Variants in RNF216 observed in about 807,000 individuals in gnomAD.
The protein encoded by RNF216 is ring finger protein 216, also known as E3 ubiquitin-protein ligase RNF216.
A neutral mutation model predicts 110.8 loss-of-function variants in RNF216; 72 were observed. The observed-to-expected ratio is 0.65, with a 90% CI of 0.54 to 0.79. The LOEUF (loss-of-function observed/expected upper bound fraction) is 0.79. RNF216 is among the 30% of genes least tolerant of loss of function. The pLI, the probability that RNF216 is intolerant of heterozygous loss-of-function variation, is 0.00. For synonymous variants in RNF216, 495 were observed against 407.5 expected, an observed-to-expected ratio of 1.21 and a Z score of -2.59; for missense variants, 1,342 against 1,141.2, an observed-to-expected ratio of 1.18 and a Z score of -2.54.
intron 13 of RNF216, among the ~76,000 whole-genome samples, chr7:5,676,770 A>C (rs985071214): frequency 6.6e-6 from 1 of 152,194 alleles, no homozygotes; most frequent in African/African-American, 2.4e-5. Context: ...CATACAGTGC[A>C]ACCTGAGCCA....
chr7:5,771,518 G>A (rs971144350), intron 1 of RNF216, among the ~76,000 whole-genome samples: 18 of 152,138 alleles, frequency 1.2e-4, no homozygotes, highest in African/African-American at 3.9e-4. Flanking sequence ...GAATCCCGGC[G>A]GGGTGCAGTG....
intron 13 of RNF216, among the ~76,000 whole-genome samples, chr7:5,686,695 G>A (rs933868148): frequency 1.3e-5 from 2 of 152,192 alleles, no homozygotes; most frequent in South Asian, 2.1e-4. Context: ...CGCTATTTGC[G>A]GCAATGACAT....
At position 5,676,745 on chromosome 7, in the gene RNF216, A is replaced by C. The variant is rs80225185; in HGVS notation, c.2062-24235T>G. On this transcript the variant is annotated intron_variant, in intron 13 of 16. Transcript: ENST00000389902. ...TTTCCGGCCTAACAACTGGGAGAGA[A>C]AGAAAACTCCTAAACATACAGTGCA... is the stretch of plus-strand genomic sequence containing the variant. Among the ~76,000 whole-genome samples, 1,026 of 152,334 alleles carry C rather than the reference A, an allele frequency of 6.7e-3. 11 individuals carry two copies. Among genetic ancestry groups the C allele is most frequent in the African/African-American group, 0.023 (956 of 41,572 alleles).
chr7:5,774,826 T>G (rs567572277), intron 1 of RNF216, among the ~76,000 whole-genome samples: 72 of 152,040 alleles, frequency 4.7e-4, no homozygotes, highest in Non-Finnish European at 8.2e-4. Context: ...TGGTGCAATC[T>G]CAGTTCACTG....
chr7:5,720,693 A>T (rs1793364916), intron 9 of RNF216, among the ~76,000 whole-genome samples: 1 of 152,160 alleles, frequency 6.6e-6, no homozygotes, highest in African/African-American at 2.4e-5. Context: ...GGTTTAGAAG[A>T]TACTTATTAA....
chr7:5,776,948 AAAAGAAAG>A (rs143520636), intron 1 of RNF216, among the ~76,000 whole-genome samples: 24 of 147,748 alleles, frequency 1.6e-4, no homozygotes, highest in Admixed American at 6.8e-4. Flanking sequence ...GAGAGAGAAA[AAAAGAAAG>A]AAAGAAAGAA....
chr7:5,732,324 G>T (rs1794142405), intron 5 of RNF216, among the ~76,000 whole-genome samples: 1 of 152,078 alleles, frequency 6.6e-6, no homozygotes, highest in African/African-American at 2.4e-5. Flanking sequence ...GTGCATATTT[G>T]ATGTGGCGAC....
intron 13 of RNF216, among the ~76,000 whole-genome samples, chr7:5,692,729 T>A (rs913135699): frequency 3.9e-5 from 6 of 152,228 alleles, no homozygotes; most frequent in Non-Finnish European, 5.9e-5. Context: ...AGCTTGGAGT[T>A]TGAAAATACA....
intron 15 of RNF216, among the ~76,000 whole-genome samples, chr7:5,639,597 AT>A (rs1787608253): frequency 6.6e-6 from 1 of 150,532 alleles, no homozygotes; most frequent in Admixed American, 6.6e-5. Flanking sequence ...AGTAGCTGGT[AT>A]TACAGGCATC....
intron 1 of RNF216, among the ~76,000 whole-genome samples, chr7:5,781,181 A>T (rs1797068208): frequency 6.6e-6 from 1 of 151,898 alleles, no homozygotes; most frequent in Non-Finnish European, 1.5e-5. Context: ...GTGCACGGAC[A>T]CCGCCTCCGC....
intron 2 of RNF216, among the ~76,000 whole-genome samples, chr7:5,754,027 AAGAAG>A (rs1172310810): frequency 2.0e-5 from 3 of 152,008 alleles, no homozygotes; most frequent in East Asian, 1.9e-4. Flanking sequence ...AGTGACCTAA[AAGAAG>A]AGAAGAAGAA....
chr7:5,676,914 G>T (rs1790334617), intron 13 of RNF216, among the ~76,000 whole-genome samples: 1 of 152,134 alleles, frequency 6.6e-6, no homozygotes, highest in Non-Finnish European at 1.5e-5. Flanking sequence ...TGGGACCAGT[G>T]AACACTGGAC....
intron 13 of RNF216, among the ~76,000 whole-genome samples, chr7:5,700,851 G>A (rs1791919194): frequency 1.3e-5 from 2 of 152,240 alleles, no homozygotes; most frequent in East Asian, 3.9e-4. Context: ...CTCCCAGTAG[G>A]ACAAAAACTC....
intron 13 of RNF216, among the ~76,000 whole-genome samples, chr7:5,666,294 GA>G (rs1251816926): frequency 6.6e-6 from 1 of 152,054 alleles, no homozygotes; most frequent in Admixed American, 6.6e-5. Flanking sequence ...GTGCTGAGGA[GA>G]AAAAAATAAA....
At chr7:5,761,926 G>A (rs1454135091) in intron 1 of RNF216, among the ~76,000 whole-genome samples, 1 of 152,120 alleles carries the variant, frequency 6.6e-6, no homozygotes, top group African/African-American at 2.4e-5. Context: ...TTAGCAATAC[G>A]CCCTAAATTA....
intron 1 of RNF216, among the ~76,000 whole-genome samples, chr7:5,780,817 G>C (rs1018504444): frequency 2.8e-4 from 42 of 152,186 alleles, no homozygotes; most frequent in African/African-American, 9.6e-4. Flanking sequence ...GAGCCCTGTC[G>C]GATTTGTCAG....
intron 9 of RNF216, among the ~76,000 whole-genome samples, chr7:5,720,696 C>T (rs1484189450): frequency 1.3e-5 from 2 of 152,042 alleles, no homozygotes; most frequent in Non-Finnish European, 1.5e-5. Context: ...TTAGAAGATA[C>T]TTATTAAACA....
chr7:5,696,999 C>G lies in RNF216; in HGVS notation c.2061+14762G>C, dbSNP rs74572899. Among the ~76,000 whole-genome samples the G allele has an allele frequency of 0.041, 6,165 of 152,220 alleles. 174 individuals carry two copies. Among genetic ancestry groups the G allele is most frequent in the African/African-American group, 0.076 (3,163 of 41,522 alleles). Reference sequence around the variant, plus strand: ...ATTACGCCAGCAACAGCTCCAGGGACGGGGGTAGGGGAAGTCTCCAAAATA... The same window carrying G: ...ATTACGCCAGCAACAGCTCCAGGGAGGGGGGTAGGGGAAGTCTCCAAAATA... On this transcript the variant is annotated intron_variant, in intron 13 of 16. Coordinates refer to ENST00000389902, the MANE Select transcript of RNF216 (RefSeq NM_207111.4). This position sits in a 1 kb window ranked among gnomAD's most constrained non-coding sequence, Gnocchi z 5.4.
chr7:5,674,715 T>G (rs1033991831), intron 13 of RNF216, among the ~76,000 whole-genome samples: 6 of 152,092 alleles, frequency 3.9e-5, no homozygotes, highest in African/African-American at 4.8e-5. Context: ...TCATTTATAG[T>G]TGTGCAAAGC....
Sources: allele counts gnomAD v4.1 joint callset (sites outside exome capture counted in the v4.1 genomes callset), GRCh38; gene constraint gnomAD v4.1.1; non-coding constraint Gnocchi (gnomAD v3.1); transcripts MANE v1.5; gene names NCBI Gene and HGNC (gene_info 2026-07-23, HGNC 2026-07-21).